Variants in NAALADL2 observed in about 807,000 individuals in gnomAD.
The protein encoded by NAALADL2 is inactive N-acetylated-alpha-linked acidic dipeptidase-like protein 2.
NAALADL2 carries 76 observed loss-of-function variants against 87.2 expected under a neutral mutation model. That is an observed-to-expected ratio of 0.87 (90% CI 0.72 to 1.05). NAALADL2 has a LOEUF of 1.05. NAALADL2 is among the 50% of genes least tolerant of loss of function. The pLI is 0.00. For missense variants in NAALADL2, 1,089 were observed against 945.8 expected (o/e 1.15, Z -1.99); for synonymous variants, 354 against 331.0 (o/e 1.07, Z -0.75).
chr3:175,145,273 C>T (rs948606475), intron 2 of NAALADL2, among the ~76,000 whole-genome samples: 2 of 152,038 alleles, frequency 1.3e-5, no homozygotes, highest in African/African-American at 4.8e-5. Flanking sequence ...GGCTTGGTAT[C>T]ACTTCCTTTA....
At chr3:174,999,267 A>C (rs1282044333) in intron 1 of NAALADL2, among the ~76,000 whole-genome samples, 2 of 152,136 alleles carry the variant, frequency 1.3e-5, no homozygotes, top group Non-Finnish European at 2.9e-5. Context: ...AATTAAGTTT[A>C]CTTTTTTAAC....
rs1388742255 is a variant in NAALADL2 at position 175,324,038 on chromosome 3, AAAAAAG to A, written c.940-113_940-108del. 5,856 of 609,080 alleles carry A rather than the reference AAAAAAG, an allele frequency of 9.6e-3. 243 individuals carry two copies. Among genetic ancestry groups the A allele is most frequent in the Admixed American group, 0.023 (700 of 30,876 alleles). The allele number at this position is 609,080 out of a possible 1,614,324, so 37.7% of individuals were successfully genotyped here. On this transcript the variant is annotated intron_variant, in intron 4 of 13. Coordinates refer to ENST00000454872, the MANE Select transcript of NAALADL2 (RefSeq NM_207015.3). ...ATCTCAAAAAACAAACAAAAAAAAA[AAAAAAG>A]AAAAAGAAAAAGAAAAAGAAAAAAA...
chr3:174,700,467 A>C (rs1729448199), intron 2 of NAALADL2, among the ~76,000 whole-genome samples: 1 of 152,176 alleles, frequency 6.6e-6, no homozygotes, highest in African/African-American at 2.4e-5. Flanking sequence ...TAAAATCAGT[A>C]TAACGCTCTC....
chr3:175,414,902 A>G (rs548928409), intron 5 of NAALADL2, among the ~76,000 whole-genome samples: 1 of 152,314 alleles, frequency 6.6e-6, no homozygotes, highest in South Asian at 2.1e-4. Context: ...CTGATTAAAT[A>G]TTGATGAGTT....
At chr3:175,190,851 G>C (rs531135532) in intron 2 of NAALADL2, among the ~76,000 whole-genome samples, 1 of 151,726 alleles carries the variant, frequency 6.6e-6, no homozygotes, top group African/African-American at 2.4e-5. Flanking sequence ...GGTGGCGGGC[G>C]CCTGTAGTCC....
intron 2 of NAALADL2, among the ~76,000 whole-genome samples, chr3:174,679,546 A>G (rs1021220584): frequency 6.6e-5 from 10 of 152,066 alleles, no homozygotes; most frequent in Admixed American, 5.9e-4. Flanking sequence ...GAATATTGCT[A>G]CTGTCGTGGG....
chr3:175,738,218 G>T (rs73171452), intron 12 of NAALADL2, among the ~76,000 whole-genome samples: 14,101 of 151,992 alleles, frequency 0.093, 673 homozygotes, highest in African/African-American at 0.12. Context: ...TAAAAAGCCA[G>T]ATATCTCCAA....
Position 175,464,917 on chromosome 3 carries a change from C to T in NAALADL2, c.1327+1424C>T, listed in dbSNP as rs140789296. 3.6e-3 allele frequency among the ~76,000 whole-genome samples: 546 copies of T among 152,196 alleles called. 2 individuals are homozygous for T. The highest frequency in any genetic ancestry group is 5.5e-3 in the Non-Finnish European group (375 of 68,006). ...GAATATTTATTATCACTGATACATT[C>T]GCAAGTTGTTATTGGAAAACCCAGT... On this transcript the variant is annotated intron_variant, in intron 7 of 13. Transcript: ENST00000454872.
intron 3 of NAALADL2, among the ~76,000 whole-genome samples, chr3:174,770,460 GT>G (rs1226213640): frequency 6.6e-6 from 1 of 152,122 alleles, no homozygotes; most frequent in African/African-American, 2.4e-5. Context: ...TCTTTTATAG[GT>G]TAATTGATTG....
chr3:175,370,553 G>C (rs1177628398), intron 5 of NAALADL2, among the ~76,000 whole-genome samples: 2 of 152,106 alleles, frequency 1.3e-5, no homozygotes, highest in Non-Finnish European at 2.9e-5. Flanking sequence ...TGTTAAGCAA[G>C]AGTGTGATTA....
At chr3:174,444,292 G>A (rs1223700321) in intron 1 of NAALADL2, among the ~76,000 whole-genome samples, 1 of 152,112 alleles carries the variant, frequency 6.6e-6, no homozygotes, top group Non-Finnish European at 1.5e-5. Flanking sequence ...ATGGAGGTGG[G>A]GAATGTGGAT....
chr3:174,995,480 T>C (rs1747316366), intron 1 of NAALADL2, among the ~76,000 whole-genome samples: 1 of 152,182 alleles, frequency 6.6e-6, no homozygotes, highest in African/African-American at 2.4e-5. Flanking sequence ...AAGCATATCA[T>C]TCACTTAGGG....
At chr3:175,228,914 A>G (rs915028739) in intron 2 of NAALADL2, among the ~76,000 whole-genome samples, 2 of 152,006 alleles carry the variant, frequency 1.3e-5, no homozygotes, top group Non-Finnish European at 2.9e-5. Flanking sequence ...AATATATCAC[A>G]TGATAGCTAA....
intron 10 of NAALADL2, among the ~76,000 whole-genome samples, chr3:175,602,423 CAT>C (rs1371925303): frequency 1.3e-5 from 2 of 151,034 alleles, no homozygotes; most frequent in South Asian, 4.2e-4. Flanking sequence ...TGTATGTAAA[CAT>C]AATATGTTAT....
At chr3:174,844,562 C>G (rs1446011266) in intron 3 of NAALADL2, among the ~76,000 whole-genome samples, 1 of 152,010 alleles carries the variant, frequency 6.6e-6, no homozygotes, top group South Asian at 2.1e-4. Flanking sequence ...GGAATTGCAT[C>G]AATTCTGTAG....
At chr3:175,711,572 A>G (rs1210815088) in intron 11 of NAALADL2, among the ~76,000 whole-genome samples, 1 of 151,926 alleles carries the variant, frequency 6.6e-6, no homozygotes, top group Non-Finnish European at 1.5e-5. Context: ...GTGAGAAATA[A>G]CCCTCAGAAA....
In NAALADL2 at chr3:175,804,793, CTAAA is replaced by C. The variant is rs2108369052; in HGVS notation, c.*1594_*1597del. 6.6e-6 allele frequency: 1 copy of C among 151,826 alleles called. No homozygotes were observed. Among genetic ancestry groups the C allele is most frequent in the African/African-American group, 2.4e-5 (1 of 41,474 alleles). The allele number at this position is 151,826 out of a possible 1,614,324, so 9.4% of individuals were successfully genotyped here. On this transcript the variant is annotated 3_prime_UTR_variant, in exon 14 of 14. Coordinates refer to ENST00000454872, the MANE Select transcript of NAALADL2 (RefSeq NM_207015.3). ...TTTATAAGGTTCAACACTGTCTACC[CTAAA>C]TAATTTTTATATGCTCAAGGCAAAG...
intron 12 of NAALADL2, among the ~76,000 whole-genome samples, chr3:175,740,276 T>C (rs559282146): frequency 2.0e-5 from 3 of 152,272 alleles, no homozygotes; most frequent in South Asian, 2.1e-4. Context: ...GTGGAAATCA[T>C]TGGTGATCTT....
Position 174,831,413 on chromosome 3 carries a change from T to C in NAALADL2, c.-9+93667T>C, listed in dbSNP as rs896770607. Among the ~76,000 whole-genome samples, 281 of 141,330 alleles carry C rather than the reference T, an allele frequency of 2.0e-3. 21 individuals carry two copies. Among genetic ancestry groups the C allele is most frequent in the Non-Finnish European group, 3.4e-3 (221 of 65,116 alleles). The allele number at this position is 141,330 out of a possible 152,430, so 92.7% of individuals were successfully genotyped here. A position where few individuals can be genotyped will look rare whatever the true frequency, so the allele number is the denominator to read the frequency against. ...CTGTTTATACGCTGGATTACATTTA[T>C]TGATTTGCATATATTGAACCAGCCT... On this transcript the variant is annotated intron_variant, in intron 3 of 3. Coordinates refer to the NAALADL2 transcript ENST00000434257.
Sources: gnomAD v4.1 joint callset for allele counts (sites outside exome capture counted in the v4.1 genomes callset) on GRCh38, gnomAD v4.1.1 for gene constraint, MANE v1.5 for transcripts, NCBI Gene and HGNC (gene_info 2026-07-23, HGNC 2026-07-21) for gene names.